ZNF804B: variants seen among roughly 807,000 people sequenced by gnomAD.
ZNF804B encodes zinc finger 804B.
Under a neutral mutation model 101.4 loss-of-function variants are expected in ZNF804B, and 80 were observed. That is an observed-to-expected ratio of 0.79 (90% CI 0.66 to 0.95). The LOEUF (loss-of-function observed/expected upper bound fraction) is 0.95. Among genes scored for constraint, ZNF804B ranks in the 40% least tolerant of loss-of-function variants. The pLI, the probability that ZNF804B is intolerant of heterozygous loss-of-function variation, is 0.00. For synonymous variants in ZNF804B, 622 were observed against 558.8 expected (o/e 1.11, Z -1.59); for missense variants, 1,673 against 1,561.9 (o/e 1.07, Z -1.20).
intron 1 of ZNF804B, among the ~76,000 whole-genome samples, chr7:88,973,132 C>G (rs538290894): frequency 5.3e-5 from 8 of 150,692 alleles, no homozygotes; most frequent in African/African-American, 1.9e-4. Flanking sequence ...CTCTCTACTC[C>G]CACTCAAGGG....
intron 1 of ZNF804B, among the ~76,000 whole-genome samples, chr7:88,993,828 G>C (rs912962710): frequency 2.0e-5 from 3 of 151,822 alleles, no homozygotes; most frequent in Non-Finnish European, 2.9e-5. Flanking sequence ...TTATAAAACT[G>C]GTCAGTGTGT....
chr7:88,909,160 A>G (rs1264034251), intron 1 of ZNF804B, among the ~76,000 whole-genome samples: 1 of 151,792 alleles, frequency 6.6e-6, no homozygotes, highest in Non-Finnish European at 1.5e-5. Flanking sequence ...ACAGAACCCC[A>G]AACCAAATTG....
At position 89,220,549 on chromosome 7, in the gene ZNF804B, C is replaced by T. The variant is rs573032547; in HGVS notation, c.249+2254C>T. Among the ~76,000 whole-genome samples the T allele has an allele frequency of 4.6e-5, 7 of 152,040 alleles. No individual in the cohort carries two copies. In the South Asian group the frequency reaches 1.4e-3, roughly 31 times the overall value. ...TGATTTATACCATCATCGCTCACCA[C>T]ACCTCCACCATTGTTACATTATTTT... On this transcript the variant is annotated intron_variant, in intron 2 of 3. Coordinates refer to ENST00000333190, the MANE Select transcript of ZNF804B (RefSeq NM_181646.5).
At chr7:88,937,115 C>CAAAAAAAAAAAAAAAAAA (rs3034325) in intron 1 of ZNF804B, among the ~76,000 whole-genome samples, 1 of 110,954 alleles carries the variant, frequency 9.0e-6, no homozygotes, top group African/African-American at 3.4e-5. Context: ...ATGAGAATAG[C>CAAAAAAAAAAAAAAAAAA]AAAAAAAAAA....
chr7:89,058,448 C>T (rs985486970), intron 1 of ZNF804B, among the ~76,000 whole-genome samples: 1 of 151,970 alleles, frequency 6.6e-6, no homozygotes, highest in African/African-American at 2.4e-5. Context: ...ACTTTCTACA[C>T]CTTTGATTAT....
At chr7:88,790,681 T>C (rs1031019182) in intron 1 of ZNF804B, among the ~76,000 whole-genome samples, 1 of 152,098 alleles carries the variant, frequency 6.6e-6, no homozygotes, top group Admixed American at 6.6e-5. Context: ...ATTTTCTTTA[T>C]CCAGTCTATC....
intron 1 of ZNF804B, among the ~76,000 whole-genome samples, chr7:89,075,244 G>C (rs1789598057): frequency 6.6e-6 from 1 of 152,192 alleles, no homozygotes; most frequent in Non-Finnish European, 1.5e-5. Flanking sequence ...TGTCTCTAGG[G>C]CATGTCAGAC....
At chr7:88,802,370 C>T (rs1790605281) in intron 1 of ZNF804B, among the ~76,000 whole-genome samples, 1 of 152,064 alleles carries the variant, frequency 6.6e-6, no homozygotes, top group Admixed American at 6.6e-5. Context: ...GTCTAAGCAG[C>T]AGCAAGTTTA....
intron 1 of ZNF804B, among the ~76,000 whole-genome samples, chr7:89,133,768 G>A (rs1790587227): frequency 6.6e-6 from 1 of 151,944 alleles, no homozygotes; most frequent in Non-Finnish European, 1.5e-5. Context: ...GTTTCTACAA[G>A]GAAAATACTG....
At chr7:88,869,064 T>G (rs1791777755) in intron 1 of ZNF804B, among the ~76,000 whole-genome samples, 1 of 152,224 alleles carries the variant, frequency 6.6e-6, no homozygotes, top group Non-Finnish European at 1.5e-5. Context: ...ATATTTAGTC[T>G]GTTTTTTTAA....
chr7:89,321,830 A>G (rs1168122194), intron 2 of ZNF804B, among the ~76,000 whole-genome samples: 1 of 152,258 alleles, frequency 6.6e-6, no homozygotes, highest in East Asian at 1.9e-4. Flanking sequence ...TTAAAGACAC[A>G]ATCTGTTTTA....
At chr7:89,153,447 A>G (rs979514804) in intron 1 of ZNF804B, among the ~76,000 whole-genome samples, 17 of 149,838 alleles carry the variant, frequency 1.1e-4, no homozygotes, top group African/African-American at 3.4e-4. Flanking sequence ...TAATAATAAT[A>G]ATAATAATAA....
intron 1 of ZNF804B, among the ~76,000 whole-genome samples, chr7:88,988,169 C>T (rs776347720): frequency 3.3e-5 from 5 of 151,640 alleles, no homozygotes; most frequent in Non-Finnish European, 5.9e-5. Context: ...TTGTTTGTAG[C>T]CTAATGAGTA....
At chr7:89,227,618 G>C (rs1318962679) in intron 2 of ZNF804B, among the ~76,000 whole-genome samples, 1 of 152,164 alleles carries the variant, frequency 6.6e-6, no homozygotes, top group Non-Finnish European at 1.5e-5. Flanking sequence ...ATTTTCATTA[G>C]GGGTTTTAGT....
intron 1 of ZNF804B, among the ~76,000 whole-genome samples, chr7:88,974,533 A>G (rs933068528): frequency 6.6e-6 from 1 of 151,290 alleles, no homozygotes; most frequent in Non-Finnish European, 1.5e-5. Context: ...TAAAAAATCA[A>G]TATTGATAGT....
intron 1 of ZNF804B, among the ~76,000 whole-genome samples, chr7:89,166,288 C>T (rs531847473): frequency 2.8e-4 from 42 of 152,202 alleles, no homozygotes; most frequent in African/African-American, 9.4e-4. Context: ...GCACCAAACC[C>T]CTGCACAGTC....
chr7:89,070,651 T>G (rs1281049648), intron 1 of ZNF804B, among the ~76,000 whole-genome samples: 2 of 152,168 alleles, frequency 1.3e-5, no homozygotes, highest in African/African-American at 4.8e-5. Context: ...AGATGCAGCA[T>G]GTAGCAATTC....
At chr7:88,854,397 T>TCC (rs1168167252) in intron 1 of ZNF804B, among the ~76,000 whole-genome samples, 55 of 146,704 alleles carry the variant, frequency 3.7e-4, no homozygotes, top group Middle Eastern at 3.4e-3. Context: ...ATTTCTTTCT[T>TCC]TCTTTCTTTC....
Position 89,173,782 on chromosome 7 carries a change from T to A in ZNF804B, c.109-44373T>A, listed in dbSNP as rs1343771563. 2.0e-5 allele frequency among the ~76,000 whole-genome samples: 3 copies of A among 151,814 alleles called. No individual in the cohort carries two copies. The South Asian group carries it at 6.2e-4, about 31-fold the overall frequency. On this transcript the variant is annotated intron_variant, in intron 1 of 3. Coordinates refer to ENST00000333190, the MANE Select transcript of ZNF804B (RefSeq NM_181646.5). ...CATCCATCCATCATCTAGCTGTATATCTAATCAACACAAGCAAAATTGGCC... is the reference window on the plus strand; with the variant it reads ...CATCCATCCATCATCTAGCTGTATAACTAATCAACACAAGCAAAATTGGCC...
Sources: allele counts gnomAD v4.1 joint callset (sites outside exome capture counted in the v4.1 genomes callset), GRCh38; gene constraint gnomAD v4.1.1; transcripts MANE v1.5; gene names NCBI Gene and HGNC (gene_info 2026-07-23, HGNC 2026-07-21).